The following PIEZO2 variants were observed in gnomAD, a reference collection of about 807,000 sequenced individuals.
The protein encoded by PIEZO2 is piezo-type mechanosensitive ion channel component 2.
PIEZO2 carries 172 observed loss-of-function variants against 337.3 expected under a neutral mutation model. That is an observed-to-expected ratio of 0.51 (90% CI 0.45 to 0.58). The LOEUF is 0.58. PIEZO2 is among the 20% of genes least tolerant of loss of function. The pLI, the probability that PIEZO2 is intolerant of heterozygous loss-of-function variation, is 0.00. For synonymous variants in PIEZO2, 1,251 were observed against 1,228.5 expected (o/e 1.02, Z -0.38); for missense variants, 3,028 against 3,391.3 (o/e 0.89, Z 2.66).
intron 32 of PIEZO2, among the ~76,000 whole-genome samples, chr18:10,741,545 T>G (rs2037217007): frequency 6.6e-6 from 1 of 152,188 alleles, no homozygotes; most frequent in Non-Finnish European, 1.5e-5. Flanking sequence ...AAATATAAAT[T>G]TCCTGGTCAT....
chr18:10,769,059 A>AT (rs1001446606), intron 21 of PIEZO2, among the ~76,000 whole-genome samples: 1 of 152,144 alleles, frequency 6.6e-6, no homozygotes, highest in Admixed American at 6.5e-5. Flanking sequence ...GTCTCTGTGC[A>AT]TTTTTTGTCA....
Position 10,904,039 on chromosome 18 carries a change from T to C in PIEZO2, c.329+7147A>G, listed in dbSNP as rs151031495. On this transcript the variant is annotated intron_variant, in intron 4 of 55. Transcript: ENST00000674853. ...CAAGTGATTGAACTAAATGGTAGCATGTAACTCATAAAAATACAAAATATA... is the reference window on the plus strand; with the variant it reads ...CAAGTGATTGAACTAAATGGTAGCACGTAACTCATAAAAATACAAAATATA... Among the ~76,000 whole-genome samples the C allele has an allele frequency of 2.1e-3, 318 of 152,326 alleles. 1 individual carries two copies. The highest frequency in any genetic ancestry group is 7.3e-3 in the African/African-American group (305 of 41,576).
intron 23 of PIEZO2, among the ~76,000 whole-genome samples, chr18:10,761,469 C>T (rs773347456): frequency 6.6e-6 from 1 of 152,142 alleles, no homozygotes. Context: ...ACAGAGACAT[C>T]CTGGGACGCA....
In PIEZO2 at chr18:10,696,498, T is replaced by A; in HGVS notation, c.6869A>T (p.Asn2290Ile). ...IYVPIKQFFY[N>I]LIHPEYSAVT... ...GGCGCTATACTCCGGGTGGATGAGG[T>A]TGTAAAAGAACTGTTTGATGGGCAC... The change falls in exon 46 of 56, where the codon AAC becomes ATC. Residue 2290 changes from asparagine (N) to isoleucine (I), a missense_variant. Physicochemically the swap from Asn to Ile is moderately radical, Grantham distance 149. Around this residue, in one of 5 missense-constraint regions of PIEZO2, gnomAD observed 1,925 missense variants for 2,051.9 expected, o/e 0.94. Coordinates refer to ENST00000674853, the MANE Select transcript of PIEZO2 (RefSeq NM_001378183.1). The A allele has an allele frequency of 6.2e-7, 1 of 1,613,876 alleles. No individual in the cohort carries two copies. The highest frequency in any genetic ancestry group is 1.1e-5 in the South Asian group (1 of 91,058).
Position 10,961,771 on chromosome 18 carries a change from A to AT in PIEZO2, c.286+17763dup, listed in dbSNP as rs529526051. 1.3e-3 allele frequency among the ~76,000 whole-genome samples: 188 copies of AT among 150,298 alleles called. 1 individual carries two copies. The highest frequency in any genetic ancestry group is 3.9e-3 in the African/African-American group (161 of 40,940). The stretch of plus-strand genomic sequence containing the variant: ...GAGAATTTGAGTTGAGTAAAAAAGG[A>AT]TTTTTTTTTTCAAAAGTGATACAAG... On this transcript the variant is annotated intron_variant, in intron 3 of 55. Transcript: ENST00000674853.
intron 1 of PIEZO2, among the ~76,000 whole-genome samples, chr18:11,074,121 CAG>C (rs2038442846): frequency 6.6e-6 from 1 of 152,224 alleles, no homozygotes; most frequent in Non-Finnish European, 1.5e-5. Flanking sequence ...GCTAGGATTA[CAG>C]GCATGAGCCA....
At chr18:10,963,256 G>T (rs2033862297) in intron 3 of PIEZO2, among the ~76,000 whole-genome samples, 1 of 151,928 alleles carries the variant, frequency 6.6e-6, no homozygotes, top group Non-Finnish European at 1.5e-5. Context: ...CTGCACTCCA[G>T]CCAGAGGACA....
chr18:10,900,819 T>C (rs996894582), intron 4 of PIEZO2, among the ~76,000 whole-genome samples: 1 of 152,172 alleles, frequency 6.6e-6, no homozygotes, highest in African/African-American at 2.4e-5. Flanking sequence ...GCGCAGTATC[T>C]CTCTTACCTA....
At chr18:10,675,356 G>T in intron 53 of PIEZO2, 68 bp from the exon 54 acceptor site, 2 of 953,728 alleles carry the variant, frequency 2.1e-6, no homozygotes, top group Non-Finnish European at 1.5e-6. Context: ...TTGATTTTTT[G>T]TTGTTATTGT....
At chr18:10,912,310 A>G (rs2030553228) in intron 3 of PIEZO2, among the ~76,000 whole-genome samples, 1 of 152,190 alleles carries the variant, frequency 6.6e-6, no homozygotes, top group African/African-American at 2.4e-5. Context: ...ACCAAAAGTA[A>G]GGATTTGTGC....
chr18:10,873,069 A>G (rs2042177431), intron 4 of PIEZO2, among the ~76,000 whole-genome samples: 1 of 151,938 alleles, frequency 6.6e-6, no homozygotes, highest in African/African-American at 2.4e-5. Context: ...ACATATTCAT[A>G]TGCACTTTAA....
At position 10,856,193 on chromosome 18, in the gene PIEZO2, C is replaced by A. The variant is rs1024399662; in HGVS notation, c.704-627G>T. Among the ~76,000 whole-genome samples the A allele has an allele frequency of 6.6e-6, 1 of 152,154 alleles. No individual in the cohort carries two copies. On this transcript the variant is annotated intron_variant, in intron 6 of 55. Coordinates refer to ENST00000674853, the MANE Select transcript of PIEZO2 (RefSeq NM_001378183.1). This position sits in a 1 kb window ranked among gnomAD's most constrained non-coding sequence, Gnocchi z 4.7. ...GGATTACAGGCATGAGCCACTGCTC[C>A]TGGCCAATAACTCCTTTAAAAGTGT...
intron 1 of PIEZO2, among the ~76,000 whole-genome samples, chr18:11,087,273 A>G (rs2038944348): frequency 6.6e-6 from 1 of 152,194 alleles, no homozygotes; most frequent in African/African-American, 2.4e-5. Flanking sequence ...TTTGAAATTT[A>G]CTTACAGAGG....
chr18:10,817,795 C>T (rs1041669932), intron 7 of PIEZO2, among the ~76,000 whole-genome samples: 3 of 151,800 alleles, frequency 2.0e-5, no homozygotes, highest in South Asian at 4.2e-4. Flanking sequence ...TGGTGGCAGG[C>T]GCCTGTAGTC....
At chr18:10,898,725 G>C (rs1001468653) in intron 4 of PIEZO2, among the ~76,000 whole-genome samples, 2 of 152,112 alleles carry the variant, frequency 1.3e-5, no homozygotes, top group African/African-American at 4.8e-5. Context: ...GGGAAGGGAG[G>C]GTTAGCCTAT....
In PIEZO2 at chr18:10,953,753, C is replaced by G. The variant is rs1374726957; in HGVS notation, c.286+25782G>C. On this transcript the variant is annotated intron_variant, in intron 3 of 55. Coordinates refer to ENST00000674853, the MANE Select transcript of PIEZO2 (RefSeq NM_001378183.1). This position sits in a 1 kb window ranked among gnomAD's most constrained non-coding sequence, Gnocchi z 5.2. Reference sequence around the variant, plus strand: ...CAGCATTTTATTACCCACATCTACTCATGGTCCTGCGGGAGGACACTGCAC... The same window carrying G: ...CAGCATTTTATTACCCACATCTACTGATGGTCCTGCGGGAGGACACTGCAC... 1.3e-5 allele frequency among the ~76,000 whole-genome samples: 2 copies of G among 152,092 alleles called. No homozygotes were observed. The highest frequency in any genetic ancestry group is 2.9e-5 in the Non-Finnish European group (2 of 68,020).
At chr18:10,712,100 T>C (rs1311540863) in intron 39 of PIEZO2, among the ~76,000 whole-genome samples, 1 of 152,262 alleles carries the variant, frequency 6.6e-6, no homozygotes, top group African/African-American at 2.4e-5. Context: ...TCATGAATAG[T>C]TCCTACAGCG....
intron 7 of PIEZO2, among the ~76,000 whole-genome samples, chr18:10,809,181 G>A (rs962704584): frequency 6.8e-6 from 1 of 146,070 alleles, no homozygotes; most frequent in African/African-American, 2.5e-5. Flanking sequence ...ACCAGTAGCA[G>A]ATTGTTGTCT....
In PIEZO2 at chr18:10,903,541, G is replaced by A. The variant is rs781193900; in HGVS notation, c.329+7645C>T. On this transcript the variant is annotated intron_variant, in intron 4 of 55. Transcript: ENST00000674853. This position sits in a 1 kb window ranked among gnomAD's most constrained non-coding sequence, Gnocchi z 4.1. ...AAAAATTAGCTGGGCATAGTGGCGCGCTCCTGTAGTCCCAGCTACTTGGGA... is the reference window on the plus strand; with the variant it reads ...AAAAATTAGCTGGGCATAGTGGCGCACTCCTGTAGTCCCAGCTACTTGGGA... Among the ~76,000 whole-genome samples the A allele has an allele frequency of 1.4e-4, 21 of 151,998 alleles. No homozygotes were observed. Among genetic ancestry groups the A allele is most frequent in the Non-Finnish European group, 3.1e-4 (21 of 68,014 alleles).
Sources: allele counts gnomAD v4.1 joint callset (sites outside exome capture counted in the v4.1 genomes callset), GRCh38; gene constraint gnomAD v4.1.1; regional missense constraint gnomAD v4.1.1; non-coding constraint Gnocchi (gnomAD v3.1); transcripts MANE v1.5; gene names NCBI Gene and HGNC (gene_info 2026-07-23, HGNC 2026-07-21).